Variants in ZNF701 observed in about 807,000 individuals in gnomAD.
The protein encoded by ZNF701 is zinc finger protein 701.
Under a neutral mutation model 7.1 loss-of-function variants are expected in ZNF701, and 6 were observed. That is an observed-to-expected ratio of 0.84 (90% CI 0.46 to 1.66). The LOEUF (loss-of-function observed/expected upper bound fraction) is 1.66, where lower values mean the gene tolerates loss of function less well. Ranked by LOEUF, ZNF701 falls within the 40% of genes most tolerant of loss-of-function variation. The pLI is 0.01. For missense variants in ZNF701, 541 were observed against 559.2 expected (o/e 0.97, Z 0.33); for synonymous variants, 166 against 188.2 (o/e 0.88, Z 0.97).
chr19:52,579,415 C>T (rs1480464868), intron 3 of ZNF701, among the ~76,000 whole-genome samples: 1 of 137,882 alleles, frequency 7.3e-6, no homozygotes, highest in Non-Finnish European at 1.5e-5. Flanking sequence ...CCCAGCTACT[C>T]GCGAGGCTGA....
intron 1 of ZNF701, chr19:52,570,670 A>G (rs2059891750): frequency 6.6e-6 from 1 of 152,152 alleles, no homozygotes; most frequent in Admixed American, 6.5e-5. Flanking sequence ...CCCAGTCTCA[A>G]CCTTTAGGCG....
At chr19:52,589,928 A>G (rs1320491029), downstream of ZNF701, among the ~76,000 whole-genome samples, 1 of 151,710 alleles carries the variant, frequency 6.6e-6, no homozygotes, top group Non-Finnish European at 1.5e-5. Context: ...CAAGTAGCTG[A>G]GATTACAAGT....
chr19:52,587,619 T>C (rs1460380288), downstream of ZNF701, among the ~76,000 whole-genome samples: 1 of 152,214 alleles, frequency 6.6e-6, no homozygotes, highest in African/African-American at 2.4e-5. Flanking sequence ...GTGATTCTTT[T>C]AGCTCCTTCA....
At chr19:52,574,721 C>A (rs162830) in intron 2 of ZNF701, among the ~76,000 whole-genome samples, 115,926 of 152,102 alleles carry the variant, frequency 0.76, 45,062 homozygotes, top group African/African-American at 0.91. Context: ...TTATTCCATC[C>A]TTATTTAAAG....
intron 1 of ZNF701, chr19:52,573,095 C>G (rs2059911126): frequency 4.9e-6 from 1 of 203,188 alleles, no homozygotes; most frequent in Non-Finnish European, 1.0e-5. Context: ...TCCAAAGAGT[C>G]TCGCTCTGTC....
the ZNF701 span, chr19:52,597,415 A>G: frequency 3.8e-6 from 2 of 519,896 alleles, no homozygotes; most frequent in South Asian, 1.4e-5. Flanking sequence ...CATTTTTGAG[A>G]TAACTGTTCC....
At chr19:52,595,899 C>G in the ZNF701 span, 2 of 1,613,178 alleles carry the variant, frequency 1.2e-6, no homozygotes, top group South Asian at 1.1e-5. Context: ...CAGCTTGGAT[C>G]AAGCTTTCAT....
At chr19:52,575,243 A>G (rs2059926290) in intron 2 of ZNF701, among the ~76,000 whole-genome samples, 1 of 152,182 alleles carries the variant, frequency 6.6e-6, no homozygotes, top group Non-Finnish European at 1.5e-5. Flanking sequence ...TGCTGGGATT[A>G]CAGGCATGAG....
rs780361056 is a variant in ZNF701, at chr19:52,583,205, C to G, written c.1146C>G (p.Tyr382Ter). 4 of 1,609,976 alleles carry G rather than the reference C, an allele frequency of 2.5e-6. No homozygotes were observed. Among genetic ancestry groups the G allele is most frequent in the South Asian group, 1.1e-5 (1 of 90,968 alleles). The change falls in exon 4 of 4, where the codon TAC becomes TAG. Residue 382 changes from tyrosine to a stop codon, truncating the protein, a stop_gained. Transcript: ENST00000391785. LOFTEE classifies it low-confidence loss of function (END_TRUNC). ...TAATTCACACTGGAGAGAAACCTTA[C>G]AAGTGTAATGAGTGTGGCAAGACCT... ...HTVIHTGEKP[Y>*]KCNECGKTFV...
rs1483257550 is a variant in ZNF701 at position 52,584,116 on chromosome 19, AAATCTTAC to A, written c.*662_*669del. On this transcript the variant is annotated 3_prime_UTR_variant, in exon 4 of 4. Coordinates refer to ENST00000391785, the MANE Select transcript of ZNF701 (RefSeq NM_018260.3). ...ATATCAGAGGATCCATACTGGACAG[AAATCTTAC>A]AAACGTCCTATGTGTGGCAAGGTCT... The A allele has an allele frequency of 2.7e-6, 1 of 368,794 alleles. No homozygotes were observed. Among genetic ancestry groups the A allele is most frequent in the Non-Finnish European group, 5.5e-6 (1 of 181,640 alleles). 22.8% of individuals were successfully genotyped at this position (368,794 alleles called of 1,614,324 possible). A position where few individuals can be genotyped will look rare whatever the true frequency, so the allele number is the denominator to read the frequency against.
chr19:52,583,186 A>T lies in ZNF701; in HGVS notation c.1127A>T (p.His376Leu). The change falls in exon 4 of 4, where the codon CAC becomes CTC. Residue 376 changes from histidine (H) to leucine (L), a missense_variant. By Grantham distance (99) the His-to-Leu change is moderately conservative. Transcript: ENST00000391785. Reference protein sequence around the residue: ...DSHLAQHTVIHTGEKPYKCNE... With the variant: ...DSHLAQHTVILTGEKPYKCNE... ...CACCTGGCACAACATACTGTAATTC[A>T]CACTGGAGAGAAACCTTACAAGTGT... 1 of 1,613,986 alleles carries T rather than the reference A, an allele frequency of 6.2e-7. No homozygotes were observed. The highest frequency in any genetic ancestry group is 1.1e-5 in the South Asian group (1 of 91,076).
chr19:52,572,524 A>C, intron 1 of ZNF701: 1 of 662,318 alleles, frequency 1.5e-6, no homozygotes, highest in Non-Finnish European at 2.2e-6. Context: ...ATTTTCAAGG[A>C]TAGTTTTGAT....
chr19:52,576,410 G>A (rs1755470385), intron 3 of ZNF701, among the ~76,000 whole-genome samples: 1 of 152,018 alleles, frequency 6.6e-6, no homozygotes, highest in Admixed American at 6.6e-5. Context: ...GCGTCGTGGT[G>A]CATGCCTGTA....
At chr19:52,592,342 C>A in the ZNF701 span, 1 of 1,120,572 alleles carries the variant, frequency 8.9e-7, no homozygotes, top group South Asian at 1.5e-5. Context: ...ATGTACATGT[C>A]ATTGTTTTCT....
chr19:52,596,552 C>T, the ZNF701 span: 3 of 402,646 alleles, frequency 7.5e-6, no homozygotes, highest in African/African-American at 6.3e-5. Flanking sequence ...ACGAATGTGG[C>T]AAGGCTTTTA....
At chr19:52,597,700 A>C in the ZNF701 span, 1 of 255,748 alleles carries the variant, frequency 3.9e-6, no homozygotes, top group Non-Finnish European at 7.7e-6. Context: ...CCTTGAACAG[A>C]ATCTGGGCGG....
At chr19:52,571,877 G>C (rs1232008805) in intron 1 of ZNF701, among the ~76,000 whole-genome samples, 6 of 151,906 alleles carry the variant, frequency 3.9e-5, no homozygotes, top group African/African-American at 1.5e-4. Context: ...GTGCTGGAGT[G>C]CAATGGTGCG....
intron 1 of ZNF701, chr19:52,572,763 T>G: frequency 2.6e-6 from 1 of 384,004 alleles, no homozygotes; most frequent in Non-Finnish European, 5.0e-6. Flanking sequence ...TCCACAGCCC[T>G]GTGTCCAGGG....
At chr19:52,573,740 C>T (rs1204790493) in intron 1 of ZNF701, among the ~76,000 whole-genome samples, 2 of 152,180 alleles carry the variant, frequency 1.3e-5, no homozygotes, top group African/African-American at 4.8e-5. Flanking sequence ...TGGTCTCAAA[C>T]TCCTGAGCTC....
Sources: gnomAD v4.1 joint callset for allele counts (sites outside exome capture counted in the v4.1 genomes callset) on GRCh38, gnomAD v4.1.1 for gene constraint, MANE v1.5 for transcripts, NCBI Gene and HGNC (gene_info 2026-07-23, HGNC 2026-07-21) for gene names.